CAMKMT: variants seen among roughly 807,000 people sequenced by gnomAD.
CAMKMT encodes the protein calmodulin-lysine N-methyltransferase.
In CAMKMT, 53 loss-of-function variants were observed where a neutral mutation model predicts 48.0. The ratio of observed to expected loss-of-function variants is 1.10; its 90% CI spans 0.89 to 1.39. CAMKMT has a LOEUF of 1.39. Ranked by LOEUF, CAMKMT falls within the 40% of genes most tolerant of loss-of-function variation. The probability of loss-of-function intolerance (pLI) is 0.00; values close to 1 mark genes in which losing one functional copy is unlikely to be tolerated. For missense variants in CAMKMT, 428 were observed against 402.7 expected (o/e 1.06, Z -0.54); for synonymous variants, 165 against 152.3 (o/e 1.08, Z -0.61).
At position 44,384,016 on chromosome 2, in the gene CAMKMT, G is replaced by A. The variant is rs181058046; in HGVS notation, c.312-6225G>A. 2.4e-3 allele frequency among the ~76,000 whole-genome samples: 363 copies of A among 152,272 alleles called. 2 individuals are homozygous for A. Among genetic ancestry groups the A allele is most frequent in the Non-Finnish European group, 3.6e-3 (242 of 68,018 alleles). ...AGTAGTGGGATTGCTGGACCAAATG[G>A]TAGTTCTACTTTTAGTTCTTTAAGG... On this transcript the variant is annotated intron_variant, in intron 2 of 10. Coordinates refer to ENST00000378494, the MANE Select transcript of CAMKMT (RefSeq NM_024766.5).
At chr2:44,457,122 G>C (rs1043228611) in intron 3 of CAMKMT, 2 of 152,168 alleles carry the variant, frequency 1.3e-5, no homozygotes, top group African/African-American at 4.8e-5. Context: ...ACTGTGAAAA[G>C]TCTCCTTTCC....
intron 3 of CAMKMT, among the ~76,000 whole-genome samples, chr2:44,504,378 G>A (rs1275845887): frequency 6.6e-6 from 1 of 152,128 alleles, no homozygotes; most frequent in Non-Finnish European, 1.5e-5. Flanking sequence ...AGATATTTTT[G>A]AATTTATGTT....
intron 3 of CAMKMT, among the ~76,000 whole-genome samples, chr2:44,454,485 C>T (rs1026797271): frequency 1.7e-4 from 26 of 152,042 alleles, no homozygotes; most frequent in Admixed American, 6.6e-5. Context: ...AAATGCATTG[C>T]CAGAAAGCTT....
In CAMKMT at chr2:44,618,183, G is replaced by A. The variant is rs1163936225; in HGVS notation, c.377-86100G>A. Among the ~76,000 whole-genome samples the A allele has an allele frequency of 6.6e-6, 1 of 152,228 alleles. No homozygotes were observed. The highest frequency in any genetic ancestry group is 1.5e-5 in the Non-Finnish European group (1 of 68,034). Reference sequence around the variant, plus strand: ...CTTCCCAAGTGCAAGCAGGCAAGCTGTTATTGATCAAAGAGGTTTTGTTGG... The same window carrying A: ...CTTCCCAAGTGCAAGCAGGCAAGCTATTATTGATCAAAGAGGTTTTGTTGG... On this transcript the variant is annotated intron_variant, in intron 3 of 10. Transcript: ENST00000378494. The surrounding 1 kb of genome is among the most constrained non-coding windows in gnomAD (Gnocchi z 4.0).
intron 7 of CAMKMT, among the ~76,000 whole-genome samples, chr2:44,742,325 A>G (rs538567933): frequency 2.6e-5 from 4 of 152,306 alleles, no homozygotes; most frequent in African/African-American, 7.2e-5. Context: ...CAGCAACACT[A>G]AAGTTAATTT....
intron 2 of CAMKMT, 44 bp downstream of exon 2, chr2:44,372,932 C>T: frequency 1.3e-6 from 2 of 1,492,998 alleles, no homozygotes; most frequent in Non-Finnish European, 1.8e-6. Context: ...CTAGATTTCT[C>T]TTGGATAAGA....
intron 3 of CAMKMT, among the ~76,000 whole-genome samples, chr2:44,436,219 A>T (rs533445510): frequency 3.9e-4 from 60 of 152,114 alleles, no homozygotes; most frequent in African/African-American, 1.4e-3. Context: ...GGGACTACGG[A>T]TGTGCGCCAC....
At chr2:44,518,483 A>G (rs140209523) in intron 3 of CAMKMT, among the ~76,000 whole-genome samples, 26 of 152,368 alleles carry the variant, frequency 1.7e-4, no homozygotes, top group Admixed American at 3.9e-4. Flanking sequence ...ATGTAACAAT[A>G]GAACACATGA....
intron 3 of CAMKMT, among the ~76,000 whole-genome samples, chr2:44,627,544 C>G (rs12463737): frequency 0.59 from 90,178 of 151,692 alleles, 27,316 homozygotes; most frequent in Admixed American, 0.68. Flanking sequence ...AAGTTTCGTT[C>G]ACAGATTCAA....
chr2:44,524,461 C>A (rs1463956700), intron 3 of CAMKMT, among the ~76,000 whole-genome samples: 1 of 151,970 alleles, frequency 6.6e-6, no homozygotes, highest in Non-Finnish European at 1.5e-5. Context: ...TGCTAATGGT[C>A]TTCTCCTTTT....
At chr2:44,514,446 A>G (rs774263534) in intron 3 of CAMKMT, among the ~76,000 whole-genome samples, 2 of 152,344 alleles carry the variant, frequency 1.3e-5, no homozygotes, top group Non-Finnish European at 2.9e-5. Context: ...CTCTCTAAGA[A>G]CTAACCAAGC....
intron 3 of CAMKMT, among the ~76,000 whole-genome samples, chr2:44,525,755 C>G (rs1228900065): frequency 1.3e-5 from 2 of 152,124 alleles, no homozygotes; most frequent in Admixed American, 1.3e-4. Flanking sequence ...TGTATGAGGT[C>G]AACAGCTAAT....
At chr2:44,715,507 T>G (rs969075378) in intron 7 of CAMKMT, among the ~76,000 whole-genome samples, 154 bp downstream of exon 7, 1 of 152,228 alleles carries the variant, frequency 6.6e-6, no homozygotes, top group African/African-American at 2.4e-5. Context: ...TCTCATTTAA[T>G]GCTCATTGGA....
Position 44,753,047 on chromosome 2 carries a change from T to TGAC in CAMKMT, c.699-1007_699-1005dup, listed in dbSNP as rs1357723843. Among the ~76,000 whole-genome samples the TGAC allele has an allele frequency of 7.2e-5, 11 of 151,882 alleles. 1 individual carries two copies. In the South Asian group the frequency reaches 2.3e-3, roughly 32 times the overall value. On this transcript the variant is annotated intron_variant, in intron 8 of 10. Coordinates refer to ENST00000378494, the MANE Select transcript of CAMKMT (RefSeq NM_024766.5). ...AGTCAGACTGACCCAAGCAAAGGGGTGACAGAGCTGCATGAACAGAAATTC... is the reference window on the plus strand; with the variant it reads ...AGTCAGACTGACCCAAGCAAAGGGGTGACGACAGAGCTGCATGAACAGAAATTC...
intron 3 of CAMKMT, among the ~76,000 whole-genome samples, chr2:44,626,768 T>C (rs1407615420): frequency 6.6e-6 from 1 of 152,168 alleles, no homozygotes; most frequent in Non-Finnish European, 1.5e-5. Context: ...AACATATGAA[T>C]TTTGGGGGGA....
chr2:44,755,761 C>T (rs773212726), intron 9 of CAMKMT, among the ~76,000 whole-genome samples: 3 of 152,216 alleles, frequency 2.0e-5, no homozygotes, highest in African/African-American at 7.2e-5. Context: ...ATCGTGGCCA[C>T]ACGCAGCAGC....
intron 3 of CAMKMT, among the ~76,000 whole-genome samples, chr2:44,680,838 AAG>A (rs1296000113): frequency 6.6e-6 from 1 of 152,168 alleles, no homozygotes; most frequent in Non-Finnish European, 1.5e-5. Context: ...GGGAGAGAGA[AAG>A]AAAGAGAGAG....
chr2:44,730,560 A>C (rs1427823129), intron 7 of CAMKMT, among the ~76,000 whole-genome samples: 2 of 152,242 alleles, frequency 1.3e-5, no homozygotes, highest in East Asian at 3.8e-4. Context: ...TCAACGGATC[A>C]ATATCCCCTT....
intron 1 of CAMKMT, 21 bp downstream of exon 1, chr2:44,362,166 C>T: frequency 1.4e-6 from 2 of 1,452,680 alleles, no homozygotes; most frequent in Non-Finnish European, 1.8e-6. Flanking sequence ...ACCTGCTCGC[C>T]TCACCTTTGC....
Sources: allele counts gnomAD v4.1 joint callset (sites outside exome capture counted in the v4.1 genomes callset), GRCh38; gene constraint gnomAD v4.1.1; non-coding constraint Gnocchi (gnomAD v3.1); transcripts MANE v1.5; gene names NCBI Gene and HGNC (gene_info 2026-07-23, HGNC 2026-07-21).